Variants in USP31 observed in about 807,000 individuals in gnomAD.
USP31 encodes the protein ubiquitin carboxyl-terminal hydrolase 31.
USP31 carries 44 observed loss-of-function variants against 119.4 expected under a neutral mutation model. That is an observed-to-expected ratio of 0.37 (90% CI 0.29 to 0.47). USP31 has a LOEUF of 0.47. Ranked by LOEUF, USP31 falls within the 20% of genes least tolerant of loss-of-function variation. The pLI, the probability that USP31 is intolerant of heterozygous loss-of-function variation, is 0.99. For missense variants in USP31, 1,643 were observed against 1,730.2 expected, an observed-to-expected ratio of 0.95 and a Z score of 0.89; for synonymous variants, 749 against 705.6, an observed-to-expected ratio of 1.06 and a Z score of -0.97.
Position 23,068,893 on chromosome 16 carries a change from G to A in USP31, c.3212C>T (p.Ser1071Phe). ...AGAATCTGCTTTGCTGCGGGAGCGG[G>A]AGGGCTTTAGAGAGACTTTTACAGG... ...PLPVKVSLKP[S>F]RSRSKADSSS... Residue 1071 changes from serine (S) to phenylalanine (F), a missense_variant, in exon 16 of 16, where the codon TCC becomes TTC. This residue lies in a region of USP31 where 699 missense variants were observed against 650.9 expected (regional missense o/e 1.07). Coordinates refer to ENST00000219689, the MANE Select transcript of USP31 (RefSeq NM_020718.4). 6.2e-7 allele frequency: 1 copy of A among 1,605,106 alleles called. No individual in the cohort carries two copies. Among genetic ancestry groups the A allele is most frequent in the Non-Finnish European group, 8.5e-7 (1 of 1,175,662 alleles).
chr16:23,127,181 A>G (rs907877340), intron 1 of USP31, among the ~76,000 whole-genome samples: 10 of 152,074 alleles, frequency 6.6e-5, no homozygotes. Context: ...TAATCCCAGC[A>G]CCTTGGGAGG....
At chr16:23,106,790 T>C (rs1329774306) in intron 2 of USP31, among the ~76,000 whole-genome samples, 3 of 151,956 alleles carry the variant, frequency 2.0e-5, no homozygotes, top group African/African-American at 7.3e-5. Flanking sequence ...CCCAATCTCC[T>C]CTAATAAGTA....
intron 2 of USP31, 50 bp downstream of exon 2, chr16:23,107,996 T>A (rs1278007808): frequency 6.4e-7 from 1 of 1,563,670 alleles, no homozygotes; most frequent in Admixed American, 2.0e-5. Flanking sequence ...TAGAAGAATC[T>A]ACACACTCTC....
intron 1 of USP31, among the ~76,000 whole-genome samples, chr16:23,114,584 T>C (rs886595007): frequency 6.6e-6 from 1 of 152,190 alleles, no homozygotes. Flanking sequence ...GGAGACTACG[T>C]TCAATTATCA....
intron 1 of USP31, among the ~76,000 whole-genome samples, chr16:23,131,472 G>A (rs1903028549): frequency 6.6e-6 from 1 of 152,048 alleles, no homozygotes; most frequent in Non-Finnish European, 1.5e-5. Flanking sequence ...TTTTGTAGAA[G>A]ACATTTACAA....
chr16:23,139,749 A>C (rs1596738364), intron 1 of USP31, among the ~76,000 whole-genome samples: 1 of 152,166 alleles, frequency 6.6e-6, no homozygotes, highest in East Asian at 1.9e-4. Flanking sequence ...CTTAAGTGGG[A>C]AGGTCATATC....
chr16:23,079,657 C>T (rs11647067), intron 13 of USP31: 174,731 of 282,794 alleles, frequency 0.62, 56,018 homozygotes, highest in African/African-American at 0.72. Context: ...AAATGGGGAG[C>T]GCAGGTTAGG....
In USP31 at chr16:23,090,536, A is replaced by C. The variant is rs1460470664; in HGVS notation, c.1415+88T>G. 2.3e-6 allele frequency: 3 copies of C among 1,308,540 alleles called. No homozygotes were observed. The African/African-American group carries it at 4.4e-5, about 19-fold the overall frequency. The allele number at this position is 1,308,540 out of a possible 1,614,324, so 81.1% of individuals were successfully genotyped here. On this transcript the variant is annotated intron_variant, in intron 7 of 15. Transcript: ENST00000219689. ...AATCAAAAATTAACTACTAAAAGTA[A>C]GAACTTTTTGCCCATGCTTTTTAAC...
chr16:23,149,366 G>A lies in USP31; in HGVS notation c.-96C>T. On this transcript the variant is annotated 5_prime_UTR_variant, in exon 1 of 16. Coordinates refer to ENST00000219689, the MANE Select transcript of USP31 (RefSeq NM_020718.4). ...ATCCCGCAGCGCCGCGCCTCACCGG[G>A]CCCGGGGGCTCGACGCCCCACACAC... 2 of 990,844 alleles carry A rather than the reference G, an allele frequency of 2.0e-6. No individual in the cohort carries two copies. Among genetic ancestry groups the A allele is most frequent in the Non-Finnish European group, 2.4e-6 (2 of 834,934 alleles). The allele number at this position is 990,844 out of a possible 1,614,324, so 61.4% of individuals were successfully genotyped here.
Position 23,147,062 on chromosome 16 carries a change from GA to G in USP31, c.633+1575del, listed in dbSNP as rs1315929899. ...TTCGTCCTGGGCAAGATTAGGATAG[GA>G]AAAAAAAAAAGGAATTAACCTTCTC... On this transcript the variant is annotated intron_variant, in intron 1 of 15. Coordinates refer to ENST00000219689, the MANE Select transcript of USP31 (RefSeq NM_020718.4). Among the ~76,000 whole-genome samples, 669 of 144,444 alleles carry G rather than the reference GA, an allele frequency of 4.6e-3. 6 individuals carry two copies. Among genetic ancestry groups the G allele is most frequent in the African/African-American group, 0.014 (559 of 39,640 alleles). 94.8% of individuals were successfully genotyped at this position (144,444 alleles called of 152,430 possible). A position where few individuals can be genotyped will look rare whatever the true frequency, so the allele number is the denominator to read the frequency against.
rs868466987 is a variant in USP31 at position 23,080,318 on chromosome 16, A to T, written c.1951-147T>A. On this transcript the variant is annotated intron_variant, in intron 12 of 15. Coordinates refer to ENST00000219689, the MANE Select transcript of USP31 (RefSeq NM_020718.4). The stretch of plus-strand genomic sequence containing the variant: ...CAAGACATACAAATCAGGGAAACAG[A>T]TGATAGTTTTAGCTATCTAGAGGAA... 24 of 713,612 alleles carry T rather than the reference A, an allele frequency of 3.4e-5. 2 individuals carry two copies. In the Middle Eastern group the frequency reaches 5.1e-3, roughly 152 times the overall value. 44.2% of individuals were successfully genotyped at this position (713,612 alleles called of 1,614,324 possible).
chr16:23,090,122 C>T (rs1192599510), intron 7 of USP31, among the ~76,000 whole-genome samples: 1 of 152,168 alleles, frequency 6.6e-6, no homozygotes, highest in East Asian at 1.9e-4. Context: ...CAGTGGCTCA[C>T]GCCTATAATC....
At chr16:23,078,120 T>C (rs1323091352) in intron 13 of USP31, among the ~76,000 whole-genome samples, 1 of 152,000 alleles carries the variant, frequency 6.6e-6, no homozygotes, top group Non-Finnish European at 1.5e-5. Context: ...GAGACCATCC[T>C]GGCCAACATG....
At chr16:23,115,764 C>G in intron 1 of USP31, 1 of 984,258 alleles carries the variant, frequency 1.0e-6, no homozygotes, top group Non-Finnish European at 1.2e-6. Flanking sequence ...AAACACTTAC[C>G]GGGTTTTCAA....
intron 1 of USP31, among the ~76,000 whole-genome samples, chr16:23,108,493 A>C (rs557367127): frequency 1.3e-5 from 2 of 152,258 alleles, no homozygotes; most frequent in Non-Finnish European, 2.9e-5. Context: ...AATTGGTAAT[A>C]ACTTGGACAT....
At position 23,140,470 on chromosome 16, in the gene USP31, G is replaced by A. The variant is rs529507048; in HGVS notation, c.633+8168C>T. The stretch of plus-strand genomic sequence containing the variant: ...CCAAAATAGCAAGAGTGCCAAGGCC[G>A]AGAATCTGCTCCAAATCAAGGCTCT... On this transcript the variant is annotated intron_variant, in intron 1 of 15. Transcript: ENST00000219689. Among the ~76,000 whole-genome samples the A allele has an allele frequency of 2.6e-5, 4 of 152,256 alleles. No individual in the cohort carries two copies. The South Asian group carries it at 6.2e-4, about 24-fold the overall frequency.
Position 23,106,330 on chromosome 16 carries a change from T to C in USP31, c.861-25A>G, listed in dbSNP as rs201758436. 64 of 1,613,798 alleles carry C rather than the reference T, an allele frequency of 4.0e-5. No individual in the cohort carries two copies. In the East Asian group the frequency reaches 1.2e-3, roughly 29 times the overall value. The stretch of plus-strand genomic sequence containing the variant: ...TCTTCAAAACAAAAAGGTAAGACGC[T>C]TGACATTAAAATCACCCAGAACGAT... On this transcript the variant is annotated intron_variant, in intron 3 of 15. Coordinates refer to ENST00000219689, the MANE Select transcript of USP31 (RefSeq NM_020718.4).
chr16:23,141,152 T>C (rs1174555169), intron 1 of USP31, among the ~76,000 whole-genome samples: 2 of 152,208 alleles, frequency 1.3e-5, no homozygotes, highest in African/African-American at 2.4e-5. Flanking sequence ...TAAGGCACTA[T>C]AGCTACACAA....
At position 23,063,986 on chromosome 16, in the gene USP31, C is replaced by A. The variant is rs1037700254; in HGVS notation, c.*4060G>T. 1 of 152,570 alleles carries A rather than the reference C, an allele frequency of 6.6e-6. No homozygotes were observed. The highest frequency in any genetic ancestry group is 6.5e-5 in the Admixed American group (1 of 15,280). 9.5% of individuals were successfully genotyped at this position (152,570 alleles called of 1,614,324 possible). A position where few individuals can be genotyped will look rare whatever the true frequency, so the allele number is the denominator to read the frequency against. On this transcript the variant is annotated 3_prime_UTR_variant, in exon 16 of 16. Transcript: ENST00000219689. ...TGTAGTAGAGTTTAACAATAATGTACCCTTTATGAAATGAAAGTTAAAGAC... is the reference window on the plus strand; with the variant it reads ...TGTAGTAGAGTTTAACAATAATGTAACCTTTATGAAATGAAAGTTAAAGAC...
Sources: gnomAD v4.1 joint callset for allele counts (sites outside exome capture counted in the v4.1 genomes callset) on GRCh38, gnomAD v4.1.1 for gene constraint, gnomAD v4.1.1 regional missense constraint, MANE v1.5 for transcripts, NCBI Gene and HGNC (gene_info 2026-07-23, HGNC 2026-07-21) for gene names.